Variants in OR3A2 observed in about 807,000 individuals in gnomAD.
OR3A2 encodes olfactory receptor 3A2.
For missense variants in OR3A2, 318 were observed against 392.8 expected (o/e 0.81, Z 1.61); for synonymous variants, 126 against 159.3 (o/e 0.79, Z 1.57).
chr17:3,337,532 T>A (rs1234721585), intron 2 of OR3A2, among the ~76,000 whole-genome samples: 2 of 152,216 alleles, frequency 1.3e-5, no homozygotes, highest in Non-Finnish European at 2.9e-5. Flanking sequence ...GTGCTTGGTT[T>A]TCTGTCCTTG....
At chr17:3,348,285 A>G (rs2049387032) in intron 2 of OR3A2, among the ~76,000 whole-genome samples, 1 of 152,072 alleles carries the variant, frequency 6.6e-6, no homozygotes, top group African/African-American at 2.4e-5. Context: ...TTTTGTTGCC[A>G]TTGCTTTTGG....
At chr17:3,283,642 G>A (rs2048790652) in intron 1 of OR3A2, among the ~76,000 whole-genome samples, 1 of 152,326 alleles carries the variant, frequency 6.6e-6, no homozygotes, top group East Asian at 1.9e-4. Flanking sequence ...GGCTTAGTGT[G>A]CTTTAGGGGA....
intron 2 of OR3A2, among the ~76,000 whole-genome samples, chr17:3,336,390 G>A (rs914569709): frequency 6.6e-6 from 1 of 151,930 alleles, no homozygotes; most frequent in Admixed American, 6.5e-5. Flanking sequence ...GTGAATGCCA[G>A]GAAAACAATA....
intron 2 of OR3A2, among the ~76,000 whole-genome samples, chr17:3,377,158 G>A (rs2049692027): frequency 6.6e-6 from 1 of 152,132 alleles, no homozygotes; most frequent in African/African-American, 2.4e-5. Context: ...TCTTCCTGTA[G>A]TGATTCTTGT....
chr17:3,341,285 T>A (rs2049316291), intron 2 of OR3A2, among the ~76,000 whole-genome samples: 1 of 151,412 alleles, frequency 6.6e-6, no homozygotes, highest in Non-Finnish European at 1.5e-5. Flanking sequence ...TAATGTTATG[T>A]GTGAATTTGA....
intron 2 of OR3A2, among the ~76,000 whole-genome samples, chr17:3,339,857 C>T (rs1380092244): frequency 6.6e-6 from 1 of 152,134 alleles, no homozygotes; most frequent in Non-Finnish European, 1.5e-5. Flanking sequence ...GTACCAGCTC[C>T]TCTTTGTACT....
chr17:3,331,458 ATTCAT>A (rs1555527894), intron 3 of OR3A2, among the ~76,000 whole-genome samples: 4 of 151,088 alleles, frequency 2.6e-5, no homozygotes. Flanking sequence ...ACTTCATTTC[ATTCAT>A]TTCATCTTCC....
chr17:3,310,152 A>G (rs1470140572), intron 3 of OR3A2: 9 of 353,858 alleles, frequency 2.5e-5, no homozygotes, highest in Non-Finnish European at 3.9e-5. Flanking sequence ...TAAATCTTCA[A>G]CTTCCTTCCC....
At position 3,329,245 on chromosome 17, in the gene OR3A2, T is replaced by G. The variant is rs542757349; in HGVS notation, c.-85+6788A>C. Among the ~76,000 whole-genome samples the G allele has an allele frequency of 1.8e-4, 28 of 151,596 alleles. No homozygotes were observed. The East Asian group carries it at 2.9e-3, about 16-fold the overall frequency. ...CCTCATAAAATGAGTTAGGGAGGATTCCCTCTTTTTCTGTTGATTGGAATA... is the reference window on the plus strand; with the variant it reads ...CCTCATAAAATGAGTTAGGGAGGATGCCCTCTTTTTCTGTTGATTGGAATA... On this transcript the variant is annotated intron_variant, in intron 3 of 4. Coordinates refer to the OR3A2 transcript ENST00000573491.
intron 2 of OR3A2, among the ~76,000 whole-genome samples, chr17:3,345,994 G>A (rs1298994409): frequency 6.6e-6 from 1 of 152,136 alleles, no homozygotes; most frequent in Non-Finnish European, 1.5e-5. Context: ...ATGAATGAAA[G>A]GATTTCTGCT....
upstream of OR3A2, among the ~76,000 whole-genome samples, chr17:3,287,527 C>T (rs975890657): frequency 3.9e-5 from 6 of 152,122 alleles, no homozygotes; most frequent in South Asian, 6.2e-4. Context: ...TTAAAATTTT[C>T]GTCTGTTAGT....
chr17:3,318,635 T>C (rs895652035), intron 3 of OR3A2, among the ~76,000 whole-genome samples: 7 of 152,340 alleles, frequency 4.6e-5, no homozygotes, highest in Middle Eastern at 6.8e-3. Flanking sequence ...CTTCAGTGTT[T>C]GCAATGGCTA....
chr17:3,375,025 T>G (rs1405855694), intron 2 of OR3A2, among the ~76,000 whole-genome samples: 1 of 151,854 alleles, frequency 6.6e-6, no homozygotes, highest in Non-Finnish European at 1.5e-5. Flanking sequence ...TTCATTCATA[T>G]CCTGTATTTT....
intron 3 of OR3A2, among the ~76,000 whole-genome samples, chr17:3,298,959 G>A (rs532516955): frequency 6.6e-6 from 1 of 152,254 alleles, no homozygotes; most frequent in South Asian, 2.1e-4. Context: ...AACAACCCAA[G>A]CTTTTAATGA....
At chr17:3,310,945 C>A (rs1449160919) in intron 3 of OR3A2, 2 of 581,058 alleles carry the variant, frequency 3.4e-6, no homozygotes, top group South Asian at 1.4e-5. Flanking sequence ...ATGGGTGTGG[C>A]CCCCTTGGTC....
chr17:3,292,100 G>A (rs2048876690), intron 3 of OR3A2: 1 of 1,614,154 alleles, frequency 6.2e-7, no homozygotes. Flanking sequence ...CCACAGTGTG[G>A]GTCAGTGCGT....
chr17:3,370,404 A>T (rs1567570512), intron 2 of OR3A2, among the ~76,000 whole-genome samples: 1 of 151,630 alleles, frequency 6.6e-6, no homozygotes, highest in Non-Finnish European at 1.5e-5. Context: ...GCTTATTTGG[A>T]TTTTCTCTCT....
chr17:3,386,165 C>G (rs1010795724), exon 1 of OR3A2: 2 of 398,822 alleles, frequency 5.0e-6, no homozygotes, highest in African/African-American at 4.1e-5. Context: ...GTCACGGTCC[C>G]CAGGCTGCTG....
exon 2 of OR3A2, chr17:3,278,054 C>A (rs766800081): frequency 6.2e-7 from 1 of 1,613,536 alleles, no homozygotes; most frequent in African/African-American, 1.3e-5. Context: ...TAAGAGGGTT[C>A]AGCATAGGGT....
Sources: allele counts gnomAD v4.1 joint callset (sites outside exome capture counted in the v4.1 genomes callset), GRCh38; gene constraint gnomAD v4.1.1; transcripts MANE v1.5; gene names NCBI Gene and HGNC (gene_info 2026-07-23, HGNC 2026-07-21).